The following MYRIP variants were observed in gnomAD, a reference collection of about 807,000 sequenced individuals.
MYRIP encodes rab effector MyRIP.
Under a neutral mutation model 98.0 loss-of-function variants are expected in MYRIP, and 49 were observed. The observed-to-expected ratio is 0.50, with a 90% CI of 0.40 to 0.63. The LOEUF (loss-of-function observed/expected upper bound fraction) is 0.63, where lower values mean the gene tolerates loss of function less well. Among genes scored for constraint, MYRIP ranks in the 30% least tolerant of loss-of-function variants. The probability of loss-of-function intolerance (pLI) is 0.00; values close to 1 mark genes in which losing one functional copy is unlikely to be tolerated. For synonymous variants in MYRIP, 404 were observed against 409.5 expected (o/e 0.99, Z 0.16); for missense variants, 1,004 against 1,058.2 (o/e 0.95, Z 0.71).
chr3:39,987,541 A>G (rs1422555717), intron 2 of MYRIP, among the ~76,000 whole-genome samples: 1 of 152,200 alleles, frequency 6.6e-6, no homozygotes. Context: ...TTGCTGGGTC[A>G]AATGGTATGT....
chr3:40,110,325 C>T lies in MYRIP; in HGVS notation c.333-40723C>T, dbSNP rs577831544. ...TATGAACATAATAAAAAGCACTGGCCTTGTAGAAAAAAAGGCCTTTCCAGT... is the reference window on the plus strand; with the variant it reads ...TATGAACATAATAAAAAGCACTGGCTTTGTAGAAAAAAAGGCCTTTCCAGT... On this transcript the variant is annotated intron_variant, in intron 3 of 16. Coordinates refer to ENST00000302541, the MANE Select transcript of MYRIP (RefSeq NM_015460.4). 1.5e-3 allele frequency among the ~76,000 whole-genome samples: 221 copies of T among 152,236 alleles called. 2 individuals carry two copies. Among genetic ancestry groups the T allele is most frequent in the African/African-American group, 5.1e-3 (212 of 41,534 alleles).
chr3:40,099,583 T>A (rs1490228812), intron 3 of MYRIP, among the ~76,000 whole-genome samples: 3 of 152,196 alleles, frequency 2.0e-5, no homozygotes, highest in African/African-American at 7.2e-5. Flanking sequence ...AACATATATA[T>A]ACACACACTC....
At chr3:40,089,816 A>G (rs1948707987) in intron 3 of MYRIP, among the ~76,000 whole-genome samples, 1 of 152,036 alleles carries the variant, frequency 6.6e-6, no homozygotes, top group Non-Finnish European at 1.5e-5. Flanking sequence ...CTTAAAAACC[A>G]TTTTCTATAG....
Position 40,190,349 on chromosome 3 carries a change from C to A in MYRIP, c.1551C>A (p.Pro517=). 3.7e-6 allele frequency: 6 copies of A among 1,613,946 alleles called. No homozygotes were observed. Among genetic ancestry groups the A allele is most frequent in the Non-Finnish European group, 5.1e-6 (6 of 1,179,936 alleles). The change falls in exon 10 of 17, where the codon CCC becomes CCA. Residue 517 remains proline (P), a synonymous_variant. Coordinates refer to ENST00000302541, the MANE Select transcript of MYRIP (RefSeq NM_015460.4). ...ACAGCAGCGAGCCGGAGGAGGCCCC[C>A]CACACCACAGACCGGCGGGCCAGGA... is the stretch of plus-strand genomic sequence containing the variant. ...TSDSSEPEEA[P]HTTDRRARRW...
intron 3 of MYRIP, among the ~76,000 whole-genome samples, chr3:40,118,598 T>C (rs1282003098): frequency 2.6e-5 from 4 of 151,198 alleles, no homozygotes; most frequent in African/African-American, 9.7e-5. Flanking sequence ...TTTATTTTTC[T>C]TTTCTTTTTT....
Position 40,234,043 on chromosome 3 carries a change from T to C in MYRIP, c.2090T>C (p.Leu697Pro). 1 of 1,602,192 alleles carries C rather than the reference T, an allele frequency of 6.2e-7. No homozygotes were observed. The highest frequency in any genetic ancestry group is 1.1e-5 in the South Asian group (1 of 88,534). ...AGACTGGATGAGCAGCTGACTTCCC[T>C]GGAAGAAAATGTAAGAGGGTATGGA... The part of the protein sequence containing the change: ...QVRLDEQLTS[L>P]EENVYLAAGT... Residue 697 changes from leucine to proline, a missense_variant, in exon 12 of 17, where the codon CTG (leucine) becomes CCG (proline). By Grantham distance (98) the Leu-to-Pro change is moderately conservative. Coordinates refer to ENST00000302541, the MANE Select transcript of MYRIP (RefSeq NM_015460.4).
intron 1 of MYRIP, among the ~76,000 whole-genome samples, chr3:39,868,751 C>G (rs1385257740): frequency 6.6e-6 from 1 of 152,120 alleles, no homozygotes; most frequent in African/African-American, 2.4e-5. Flanking sequence ...ACCAATGAAT[C>G]CAAAGCTCAC....
intron 3 of MYRIP, among the ~76,000 whole-genome samples, chr3:40,146,158 A>G (rs949002139): frequency 6.6e-6 from 1 of 152,256 alleles, no homozygotes; most frequent in East Asian, 1.9e-4. Context: ...ACAAAGAAGT[A>G]TTCTGTAAAA....
intron 1 of MYRIP, among the ~76,000 whole-genome samples, chr3:39,885,696 C>A (rs1943278082): frequency 6.6e-6 from 1 of 151,924 alleles, no homozygotes; most frequent in African/African-American, 2.4e-5. Context: ...TTGCTTGTTT[C>A]TTTTTATTCT....
At chr3:40,185,174 G>T (rs574947375) in intron 9 of MYRIP, among the ~76,000 whole-genome samples, 14 of 152,312 alleles carry the variant, frequency 9.2e-5, no homozygotes, top group African/African-American at 2.9e-4. Context: ...TCAGGAGAAG[G>T]GTTGATTCAG....
At chr3:39,830,569 C>T (rs1175689801) in intron 1 of MYRIP, among the ~76,000 whole-genome samples, 3 of 152,192 alleles carry the variant, frequency 2.0e-5, no homozygotes, top group Non-Finnish European at 2.9e-5. Flanking sequence ...TGTCTGCTCA[C>T]CTGCCATATC....
intron 10 of MYRIP, among the ~76,000 whole-genome samples, chr3:40,206,516 CTTTAAGAT>C (rs1181799236): frequency 6.6e-6 from 1 of 152,148 alleles, no homozygotes; most frequent in Non-Finnish European, 1.5e-5. Context: ...GGATTCCATT[CTTTAAGAT>C]TTGCTCAGTT....
chr3:39,893,613 A>C (rs138621448), intron 1 of MYRIP, among the ~76,000 whole-genome samples: 1 of 151,898 alleles, frequency 6.6e-6, no homozygotes, highest in Non-Finnish European at 1.5e-5. Flanking sequence ...AAGACATCCT[A>C]TTGCCCAGAG....
intron 1 of MYRIP, among the ~76,000 whole-genome samples, chr3:39,840,519 A>G (rs773278089): frequency 1.3e-5 from 2 of 152,270 alleles, no homozygotes; most frequent in Middle Eastern, 3.4e-3. Context: ...TTATGATATT[A>G]TGCTAGCTGG....
At chr3:39,874,176 T>G (rs1942903058) in intron 1 of MYRIP, among the ~76,000 whole-genome samples, 1 of 152,220 alleles carries the variant, frequency 6.6e-6, no homozygotes, top group South Asian at 2.1e-4. Flanking sequence ...TTGTGATTTT[T>G]GTACATTGAT....
At chr3:40,019,296 T>C (rs974248278) in intron 2 of MYRIP, among the ~76,000 whole-genome samples, 8 of 152,190 alleles carry the variant, frequency 5.3e-5, no homozygotes, top group African/African-American at 1.7e-4. Context: ...CTCCAACTAC[T>C]GAACCAACCA....
At chr3:39,977,123 T>TA (rs78955604) in intron 2 of MYRIP, among the ~76,000 whole-genome samples, 6,160 of 151,286 alleles carry the variant, frequency 0.041, 203 homozygotes, top group East Asian at 0.17. Flanking sequence ...AGGTTTATTT[T>TA]AAAAAAAAAC....
At chr3:40,085,578 C>A (rs975057113) in intron 3 of MYRIP, among the ~76,000 whole-genome samples, 1 of 152,186 alleles carries the variant, frequency 6.6e-6, no homozygotes, top group African/African-American at 2.4e-5. Flanking sequence ...ACCACTACAC[C>A]CAGCCAGCAG....
intron 3 of MYRIP, among the ~76,000 whole-genome samples, chr3:40,101,404 G>A (rs1422265410): frequency 6.6e-6 from 1 of 151,992 alleles, no homozygotes; most frequent in Non-Finnish European, 1.5e-5. Flanking sequence ...TCTTTCCTTT[G>A]GGTCTTTATT....
Sources: gnomAD v4.1 joint callset for allele counts (sites outside exome capture counted in the v4.1 genomes callset) on GRCh38, gnomAD v4.1.1 for gene constraint, MANE v1.5 for transcripts, NCBI Gene and HGNC (gene_info 2026-07-23, HGNC 2026-07-21) for gene names.